ADAP1: variants seen among roughly 807,000 people sequenced by gnomAD.
The protein encoded by ADAP1 is ArfGAP with dual PH domains 1.
A neutral mutation model predicts 54.9 loss-of-function variants in ADAP1; 31 were observed. That is an observed-to-expected ratio of 0.56 (90% CI 0.42 to 0.76). The LOEUF is 0.76. ADAP1 is among the 30% of genes least tolerant of loss of function. ADAP1 has a pLI of 0.00. For missense variants in ADAP1, 535 were observed against 512.4 expected (o/e 1.04, Z -0.42); for synonymous variants, 313 against 202.6 (o/e 1.55, Z -4.63).
chr7:914,048 C>T (rs575472998), intron 4 of ADAP1, among the ~76,000 whole-genome samples: 1 of 152,336 alleles, frequency 6.6e-6, no homozygotes, highest in East Asian at 1.9e-4. Context: ...GTGGCGTGGC[C>T]CACACACAGG....
At chr7:910,071 A>G (rs917117560) in intron 4 of ADAP1, among the ~76,000 whole-genome samples, 7 of 146,780 alleles carry the variant, frequency 4.8e-5, no homozygotes, top group Non-Finnish European at 1.1e-4. Flanking sequence ...ACCAGTGTGC[A>G]CACACAGGCG....
At position 920,775 on chromosome 7, in the gene ADAP1, G is replaced by A. The variant is rs10228782; in HGVS notation, c.306-725C>T. 1.6e-4 allele frequency: 246 copies of A among 1,548,716 alleles called. No individual in the cohort carries two copies. In the African/African-American group the frequency reaches 1.8e-3, roughly 11 times the overall value. ...ACCCACCACGGCCTCCCCATCCACC[G>A]TGACTCACTCGAGTGAAGCCAATAC... On this transcript the variant is annotated intron_variant, in intron 3 of 10. Transcript: ENST00000265846. The surrounding 1 kb of genome is among the most constrained non-coding windows in gnomAD (Gnocchi z 4.5).
At chr7:942,554 GT>G in intron 1 of ADAP1, among the ~76,000 whole-genome samples, 1 of 89,736 alleles carries the variant, frequency 1.1e-5, no homozygotes, top group African/African-American at 3.6e-5. Flanking sequence ...GGAAGAGAGA[GT>G]AGGAGGAAGA....
At chr7:900,909 G>A (rs1232334468) in intron 6 of ADAP1, 1 of 581,736 alleles carries the variant, frequency 1.7e-6, no homozygotes, top group Admixed American at 2.2e-5. Flanking sequence ...GGGCTGGACA[G>A]GGTCGGGGGC....
chr7:901,853 T>C (rs2128633853), intron 6 of ADAP1, among the ~76,000 whole-genome samples: 1 of 133,808 alleles, frequency 7.5e-6, no homozygotes, highest in Admixed American at 8.2e-5. Context: ...CACACCACAC[T>C]GCCCCAAAGG....
rs1315383922 is a variant in ADAP1 at position 920,063 on chromosome 7, G to A, written c.306-13C>T. On this transcript the variant is annotated splice_polypyrimidine_tract_variant and intron_variant, in intron 3 of 10. Transcript: ENST00000265846. The surrounding 1 kb of genome is among the most constrained non-coding windows in gnomAD (Gnocchi z 4.5). ...CTCTCGAAGGAGCCTGTGGGGAGAG[G>A]AGAGACTGAGCCACTGGGCCAAGGC... 6.2e-7 allele frequency: 1 copy of A among 1,603,704 alleles called. No individual in the cohort carries two copies. The highest frequency in any genetic ancestry group is 8.5e-7 in the Non-Finnish European group (1 of 1,179,072).
intron 8 of ADAP1, among the ~76,000 whole-genome samples, chr7:899,724 G>A (rs976194062): frequency 2.0e-5 from 3 of 152,072 alleles, no homozygotes; most frequent in South Asian, 2.1e-4. Context: ...CTGGGCCCCA[G>A]ATGGGGGCCC....
At position 926,497 on chromosome 7, in the gene ADAP1, A is replaced by G; in HGVS notation, c.305+56T>C. 6.9e-7 allele frequency: 1 copy of G among 1,446,844 alleles called. No individual in the cohort carries two copies. Among genetic ancestry groups the G allele is most frequent in the Non-Finnish European group, 9.2e-7 (1 of 1,090,514 alleles). The allele number at this position is 1,446,844 out of a possible 1,614,324, so 89.6% of individuals were successfully genotyped here. A position where few individuals can be genotyped will look rare whatever the true frequency, so the allele number is the denominator to read the frequency against. ...CACCCTGCCGGGTCCTCCCGGGGCC[A>G]TCTCGGAGCCACCCAGCACTTGACC... On this transcript the variant is annotated intron_variant, in intron 3 of 10. Coordinates refer to ENST00000265846, the MANE Select transcript of ADAP1 (RefSeq NM_006869.4). The surrounding 1 kb of genome is among the most constrained non-coding windows in gnomAD (Gnocchi z 4.6).
intron 4 of ADAP1, among the ~76,000 whole-genome samples, chr7:912,253 G>A (rs532630984): frequency 8.5e-5 from 13 of 152,256 alleles, no homozygotes; most frequent in Admixed American, 5.2e-4. Flanking sequence ...GCGTCTCAGC[G>A]AGACCAGGGC....
chr7:900,182 A>T lies in ADAP1; in HGVS notation c.733-18T>A, dbSNP rs1554270177. The T allele has an allele frequency of 2.5e-6, 4 of 1,612,872 alleles. No homozygotes were observed. The highest frequency in any genetic ancestry group is 2.2e-5 in the South Asian group (2 of 91,082). On this transcript the variant is annotated intron_variant, in intron 7 of 10. Transcript: ENST00000265846. ...GGCACCAGCTAGGGCAGGACACACCAGGCAGGGGACCTCAGAAGTGCAGCT... is the reference window on the plus strand; with the variant it reads ...GGCACCAGCTAGGGCAGGACACACCTGGCAGGGGACCTCAGAAGTGCAGCT...
At position 946,022 on chromosome 7, in the gene ADAP1, G is replaced by A. The variant is rs1847128678; in HGVS notation, c.82+8374C>T. Among the ~76,000 whole-genome samples the A allele has an allele frequency of 6.6e-6, 1 of 152,222 alleles. No individual in the cohort carries two copies. Among genetic ancestry groups the A allele is most frequent in the African/African-American group, 2.4e-5 (1 of 41,456 alleles). On this transcript the variant is annotated intron_variant, in intron 1 of 10. Coordinates refer to ENST00000265846, the MANE Select transcript of ADAP1 (RefSeq NM_006869.4). This position sits in a 1 kb window ranked among gnomAD's most constrained non-coding sequence, Gnocchi z 4.3. Reference sequence around the variant, plus strand: ...TGCAATCGAGGCCGGGTCGGACGCTGGCTCTGGCCAGGCACGCAAGGGGCA... The same window carrying A: ...TGCAATCGAGGCCGGGTCGGACGCTAGCTCTGGCCAGGCACGCAAGGGGCA...
chr7:906,700 C>G (rs1562915265), intron 4 of ADAP1, among the ~76,000 whole-genome samples: 360 of 25,284 alleles, frequency 0.014, 16 homozygotes, highest in East Asian at 0.071. Context: ...GGGACATGGA[C>G]ATGGGGGACG....
intron 1 of ADAP1, among the ~76,000 whole-genome samples, chr7:944,632 TGCTACAG>T (rs1847094022): frequency 6.6e-6 from 1 of 152,242 alleles, no homozygotes; most frequent in Non-Finnish European, 1.5e-5. Context: ...CAAGACATTT[TGCTACAG>T]GCATGCAATG....
At chr7:935,339 G>C (rs370430900) in intron 2 of ADAP1, 36 bp downstream of exon 2, 290 of 1,545,278 alleles carry the variant, frequency 1.9e-4, no homozygotes, top group Non-Finnish European at 2.4e-4. Flanking sequence ...GCCACCCGGG[G>C]ACTGCGCGGG....
chr7:899,312 C>G, intron 9 of ADAP1, 51 bp from the exon 10 acceptor site: 1 of 1,608,190 alleles, frequency 6.2e-7, no homozygotes, highest in South Asian at 1.1e-5. Context: ...TCCAGCCCCG[C>G]TTCACTCAGG....
At chr7:928,270 G>A (rs1013373293) in intron 2 of ADAP1, among the ~76,000 whole-genome samples, 2 of 152,132 alleles carry the variant, frequency 1.3e-5, no homozygotes, top group South Asian at 4.1e-4. Context: ...GGGAGGCCGA[G>A]GCGGGAGGAT....
intron 4 of ADAP1, among the ~76,000 whole-genome samples, chr7:906,714 C>A (rs1845432131): frequency 0.042 from 776 of 18,342 alleles, 72 homozygotes; most frequent in East Asian, 0.19. Context: ...GGGGACGGGA[C>A]ATCGGGGACG....
chr7:903,866 T>C (rs953101114), intron 6 of ADAP1: 11 of 427,744 alleles, frequency 2.6e-5, no homozygotes, highest in African/African-American at 2.3e-4. Flanking sequence ...AGCGTGGTGA[T>C]CCGGCTCCTG....
Position 919,906 on chromosome 7 carries a change from G to T in ADAP1, c.388+62C>A. ...GGGGGAGGGAGGGAAAGAGATGGGG[G>T]AGGGAGGGAGAGAGCCAGGGAGAGG... is the stretch of plus-strand genomic sequence containing the variant. On this transcript the variant is annotated intron_variant, in intron 4 of 10. Coordinates refer to ENST00000265846, the MANE Select transcript of ADAP1 (RefSeq NM_006869.4). 2.5e-6 allele frequency: 3 copies of T among 1,222,746 alleles called. No homozygotes were observed. In the South Asian group the frequency reaches 3.8e-5, roughly 16 times the overall value. The allele number at this position is 1,222,746 out of a possible 1,614,324, so 75.7% of individuals were successfully genotyped here. A position where few individuals can be genotyped will look rare whatever the true frequency, so the allele number is the denominator to read the frequency against.
Sources: gnomAD v4.1 joint callset for allele counts (sites outside exome capture counted in the v4.1 genomes callset) on GRCh38, gnomAD v4.1.1 for gene constraint, Gnocchi (gnomAD v3.1) non-coding constraint, MANE v1.5 for transcripts, NCBI Gene and HGNC (gene_info 2026-07-23, HGNC 2026-07-21) for gene names.